KCNH4: variants seen among roughly 807,000 people sequenced by gnomAD.
KCNH4 encodes the protein voltage-gated delayed rectifier potassium channel KCNH4.
Under a neutral mutation model 90.7 loss-of-function variants are expected in KCNH4, and 33 were observed. The ratio of observed to expected loss-of-function variants is 0.36; its 90% confidence interval spans 0.28 to 0.49. The LOEUF (loss-of-function observed/expected upper bound fraction) is 0.49. Ranked by LOEUF, KCNH4 falls within the 20% of genes least tolerant of loss-of-function variation. The probability of loss-of-function intolerance (pLI) is 0.98; values close to 1 mark genes in which losing one functional copy is unlikely to be tolerated. For synonymous variants in KCNH4, 551 were observed against 581.7 expected, an observed-to-expected ratio of 0.95 and a Z score of 0.76; for missense variants, 1,044 against 1,387.1, an observed-to-expected ratio of 0.75 and a Z score of 3.93.
Position 42,163,182 on chromosome 17 carries a change from G to A in KCNH4, c.2584+46C>T. 7.8e-7 allele frequency: 1 copy of A among 1,286,854 alleles called. No individual in the cohort carries two copies. Among genetic ancestry groups the A allele is most frequent in the South Asian group, 1.2e-5 (1 of 84,318 alleles). 79.7% of individuals were successfully genotyped at this position (1,286,854 alleles called of 1,614,324 possible). A position where few individuals can be genotyped will look rare whatever the true frequency, so the allele number is the denominator to read the frequency against. ...TACATATGGGATGGATGGACAGGTGGATGGGCAGATGGATGACGGGGTTGA... is the reference window on the plus strand; with the variant it reads ...TACATATGGGATGGATGGACAGGTGAATGGGCAGATGGATGACGGGGTTGA... On this transcript the variant is annotated intron_variant, in intron 14 of 16. Coordinates refer to ENST00000264661, the MANE Select transcript of KCNH4 (RefSeq NM_012285.3). This position sits in a 1 kb window ranked among gnomAD's most constrained non-coding sequence, Gnocchi z 5.4.
intron 10 of KCNH4, 50 bp downstream of exon 10, chr17:42,166,247 T>A (rs1269397240): frequency 4.6e-6 from 7 of 1,530,752 alleles, no homozygotes; most frequent in Non-Finnish European, 6.2e-6. Flanking sequence ...TCAGTGGGGG[T>A]TGCGGGGGGT....
intron 6 of KCNH4, among the ~76,000 whole-genome samples, chr17:42,175,333 G>A (rs1328581432): frequency 6.6e-6 from 1 of 152,248 alleles, no homozygotes; most frequent in African/African-American, 2.4e-5. Context: ...CGCCTTGGTA[G>A]CCATAGTTAG....
chr17:42,165,223 T>C (rs79089478), intron 11 of KCNH4, among the ~76,000 whole-genome samples: 2,526 of 146,940 alleles, frequency 0.017, 31 homozygotes, highest in Non-Finnish European at 0.027. Flanking sequence ...GGCAGTAGAG[T>C]TGGGAGTAGA....
At chr17:42,175,076 G>C (rs1380075803) in intron 6 of KCNH4, among the ~76,000 whole-genome samples, 1 of 152,094 alleles carries the variant, frequency 6.6e-6, no homozygotes, top group African/African-American at 2.4e-5. Flanking sequence ...GGAACTCCAA[G>C]GTCAGCCCAG....
chr17:42,163,972 G>C lies in KCNH4; in HGVS notation c.2125-14C>G. 6.6e-7 allele frequency: 1 copy of C among 1,523,500 alleles called. No individual in the cohort carries two copies. The highest frequency in any genetic ancestry group is 8.8e-7 in the Non-Finnish European group (1 of 1,134,944). The allele number at this position is 1,523,500 out of a possible 1,614,324, so 94.4% of individuals were successfully genotyped here. ...TTCTGAGCGGGGCTGCGGGCAGAGG[G>C]GGCAGCTGATGTCGCAGGACAGTGA... On this transcript the variant is annotated splice_polypyrimidine_tract_variant and intron_variant, in intron 12 of 16. Transcript: ENST00000264661. The surrounding 1 kb of genome is among the most constrained non-coding windows in gnomAD (Gnocchi z 5.4).
Position 42,175,729 on chromosome 17 carries a change from G to T in KCNH4, c.837C>A (p.Ile279=). ...ACACATAGGTGGTGCGGAAGTTCAGGATGATATCTGGGGGTGCAAGAGGCT... is the reference window on the plus strand; with the variant it reads ...ACACATAGGTGGTGCGGAAGTTCAGTATGATATCTGGGGGTGCAAGAGGCT... ...AVEMLFILDI[I]LNFRTTYVSQ... Residue 279 remains isoleucine (I), a synonymous_variant, in exon 6 of 17, where the codon ATC becomes ATA. Transcript: ENST00000264661. 1 of 1,614,062 alleles carries T rather than the reference G, an allele frequency of 6.2e-7. No individual in the cohort carries two copies. Among genetic ancestry groups the T allele is most frequent in the Non-Finnish European group, 8.5e-7 (1 of 1,179,940 alleles).
rs780234798 is a variant in KCNH4, at chr17:42,178,129, G to A, written c.556C>T (p.Arg186Trp). The A allele has an allele frequency of 9.3e-6, 15 of 1,614,142 alleles. No individual in the cohort carries two copies. The highest frequency in any genetic ancestry group is 3.3e-5 in the South Asian group (3 of 91,082). ...LHRLTGHFGRRGQGGMKANNN... is the reference protein window; with the variant it reads ...LHRLTGHFGRWGQGGMKANNN... ...TTGGCCTTCATGCCTCCCTGGCCCC[G>A]GCGGCCAAAGTGGCCGGTCAGTCGG... Residue 186 changes from arginine (R) to tryptophan (W), a missense_variant, in exon 4 of 17, where the codon CGG (arginine) becomes TGG (tryptophan). Transcript: ENST00000264661.
In KCNH4 at chr17:42,166,337, C is replaced by T. The variant is rs759657398; in HGVS notation, c.1800G>A (p.Ser600=). Residue 600 remains serine (S), a synonymous_variant, in exon 10 of 17, where the codon TCG becomes TCA. Coordinates refer to ENST00000264661, the MANE Select transcript of KCNH4 (RefSeq NM_012285.3). ...CCATGTTGTCTCGGAGCACCTCAAGCGAGCCGGAGCAGACATAGTAATGTG... is the reference window on the plus strand; with the variant it reads ...CCATGTTGTCTCGGAGCACCTCAAGTGAGCCGGAGCAGACATAGTAATGTG... ...LQAHYYVCSG[S]LEVLRDNMVL... is the part of the protein sequence containing the mutation. 8.1e-6 allele frequency: 13 copies of T among 1,611,378 alleles called. No homozygotes were observed. Among genetic ancestry groups the T allele is most frequent in the South Asian group, 4.4e-5 (4 of 90,600 alleles).
At chr17:42,165,738 A>G in intron 10 of KCNH4, 45 bp from the exon 11 acceptor site, 1 of 1,610,220 alleles carries the variant, frequency 6.2e-7, no homozygotes, top group Non-Finnish European at 8.5e-7. Flanking sequence ...AGTGAGAACG[A>G]AAGGATATCA....
Position 42,176,160 on chromosome 17 carries a change from C to T in KCNH4, c.723G>A (p.Ala241=), listed in dbSNP as rs146276927. 1.5e-4 allele frequency: 239 copies of T among 1,613,666 alleles called. 1 individual carries two copies. The African/African-American group carries it at 2.5e-3, about 17-fold the overall frequency. Reference sequence around the variant, plus strand: ...AACAGACATTGTAGGGGACGGTGACCGCAACGTAGAAGGTGGCAAGGAGGA... The same window carrying T: ...AACAGACATTGTAGGGGACGGTGACTGCAACGTAGAAGGTGGCAAGGAGGA... The part of the protein sequence containing the change: ...GLILLATFYV[A]VTVPYNVCFS... Residue 241 remains alanine, a synonymous_variant, in exon 5 of 17, where the codon GCG becomes GCA. Transcript: ENST00000264661.
intron 6 of KCNH4, among the ~76,000 whole-genome samples, chr17:42,172,547 A>ACACG (rs1338450339): frequency 2.5e-5 from 3 of 118,518 alleles, no homozygotes; most frequent in Admixed American, 1.5e-4. Flanking sequence ...ACACACACAC[A>ACACG]CACACACACA....
At chr17:42,171,096 GAGT>G (rs929897150) in intron 7 of KCNH4, among the ~76,000 whole-genome samples, 5 of 152,110 alleles carry the variant, frequency 3.3e-5, no homozygotes, top group Non-Finnish European at 5.9e-5. Context: ...ATCCCAGAAG[GAGT>G]GTAGTGGGTC....
intron 11 of KCNH4, 72 bp from the exon 12 acceptor site, chr17:42,164,240 A>T (rs1339147179): frequency 1.5e-6 from 2 of 1,352,400 alleles, no homozygotes; most frequent in Non-Finnish European, 2.0e-6. Flanking sequence ...TCCCTGTCCC[A>T]CCCAACAGTG....
At chr17:42,162,635 C>A (rs928477088) in intron 14 of KCNH4, among the ~76,000 whole-genome samples, 2 of 151,810 alleles carry the variant, frequency 1.3e-5, no homozygotes, top group Admixed American at 1.3e-4. Flanking sequence ...CTCTGTTGCC[C>A]AGGGTGGAGT....
At position 42,163,606 on chromosome 17, in the gene KCNH4, C is replaced by T. The variant is rs768201417; in HGVS notation, c.2477G>A (p.Arg826Gln). 2.8e-6 allele frequency: 4 copies of T among 1,410,882 alleles called. No homozygotes were observed. Among genetic ancestry groups the T allele is most frequent in the East Asian group, 2.3e-5 (1 of 42,860 alleles). The allele number at this position is 1,410,882 out of a possible 1,614,324, so 87.4% of individuals were successfully genotyped here. A position where few individuals can be genotyped will look rare whatever the true frequency, so the allele number is the denominator to read the frequency against. The change falls in exon 13 of 17, where the codon CGG becomes CAG. Residue 826 changes from arginine (R) to glutamine (Q), a missense_variant and splice_region_variant. By Grantham distance (43) the Arg-to-Gln change is conservative (BLOSUM62 1). Coordinates refer to ENST00000264661, the MANE Select transcript of KCNH4 (RefSeq NM_012285.3). This position sits in a 1 kb window ranked among gnomAD's most constrained non-coding sequence, Gnocchi z 5.4. ...AAAGCAGGGGAGGCTGGCGTCTCAC[C>T]GGGGACTGAGGTCCGGAGGTCCAAA... ...GTFGPPDLSP[R>Q]IVDGIEDSGS...
Position 42,163,571 on chromosome 17 carries a change from G to C in KCNH4, c.2477+35C>G, listed in dbSNP as rs751672679. On this transcript the variant is annotated intron_variant, in intron 13 of 16. Coordinates refer to ENST00000264661, the MANE Select transcript of KCNH4 (RefSeq NM_012285.3). This position sits in a 1 kb window ranked among gnomAD's most constrained non-coding sequence, Gnocchi z 5.4. ...CAGAGAAGGTTCTGGAAGCCAATAG[G>C]GGTTTTGGGAAAGCAGGGGAGGCTG... The C allele has an allele frequency of 4.0e-6, 4 of 999,636 alleles. No individual in the cohort carries two copies. The highest frequency in any genetic ancestry group is 3.0e-6 in the Non-Finnish European group (2 of 666,306). 61.9% of individuals were successfully genotyped at this position (999,636 alleles called of 1,614,324 possible).
At position 42,160,116 on chromosome 17, in the gene KCNH4, G is replaced by A; in HGVS notation, c.2978C>T (p.Pro993Leu). 2 of 1,598,006 alleles carry A rather than the reference G, an allele frequency of 1.3e-6. No individual in the cohort carries two copies. The highest frequency in any genetic ancestry group is 1.7e-6 in the Non-Finnish European group (2 of 1,170,686). The change falls in exon 16 of 17, where the codon CCA becomes CTA. Residue 993 changes from proline (P) to leucine (L), a missense_variant. This residue lies in a region of KCNH4 where 441 missense variants were observed against 512.3 expected (regional missense o/e 0.86). Transcript: ENST00000264661. ...PSEPDPLGPS[P>L]VPEASPPTPS... ...GGTTGGGGGTGAGGCCTCTGGCACT[G>A]GAGAGGGTCCCAGAGGGTCAGGCTC...
chr17:42,178,767 C>A (rs745932556), intron 2 of KCNH4, 26 bp downstream of exon 2: 4 of 1,586,882 alleles, frequency 2.5e-6, no homozygotes, highest in Admixed American at 1.7e-5. Context: ...CTAGGCAGAG[C>A]TGCAGGGTGG....
At chr17:42,164,627 A>G (rs916308476) in intron 11 of KCNH4, among the ~76,000 whole-genome samples, 2 of 151,432 alleles carry the variant, frequency 1.3e-5, no homozygotes, top group Non-Finnish European at 2.9e-5. Flanking sequence ...ACATGGCGAA[A>G]CCCCATCTCT....
Sources: allele counts gnomAD v4.1 joint callset (sites outside exome capture counted in the v4.1 genomes callset), GRCh38; gene constraint gnomAD v4.1.1; regional missense constraint gnomAD v4.1.1; non-coding constraint Gnocchi (gnomAD v3.1); transcripts MANE v1.5; gene names NCBI Gene and HGNC (gene_info 2026-07-23, HGNC 2026-07-21).